SYT7: variants seen among roughly 807,000 people sequenced by gnomAD.
SYT7 encodes synaptotagmin 7, also known as synaptotagmin-7.
A neutral mutation model predicts 75.1 loss-of-function variants in SYT7; 29 were observed. That is an observed-to-expected ratio of 0.39 (90% CI 0.29 to 0.53). The LOEUF is 0.53. Among genes scored for constraint, SYT7 ranks in the 20% least tolerant of loss-of-function variants. The pLI is 0.77. For missense variants in SYT7, 693 were observed against 953.2 expected (o/e 0.73, Z 3.59); for synonymous variants, 376 against 401.7 (o/e 0.94, Z 0.76).
rs539181402 is a variant in SYT7 at position 61,533,651 on chromosome 11, G to A, written c.1065-527C>T. 2.7e-4 allele frequency: 263 copies of A among 985,416 alleles called. 1 individual carries two copies. The African/African-American group carries it at 3.9e-3, about 15-fold the overall frequency. 61.0% of individuals were successfully genotyped at this position (985,416 alleles called of 1,614,324 possible). On this transcript the variant is annotated intron_variant, in intron 7 of 12. Coordinates refer to ENST00000539008, the MANE Select transcript of SYT7 (RefSeq NM_001365809.2). ...AGAGTTCTCTTCCCACCCTCCAGAC[G>A]TGAGACTGACCAGGTGAGGTCAGGA...
At position 61,523,233 on chromosome 11, in the gene SYT7, C is replaced by T. The variant is rs1171594017; in HGVS notation, c.1798G>A (p.Val600Met). 1 of 1,614,174 alleles carries T rather than the reference C, an allele frequency of 6.2e-7. No individual in the cohort carries two copies. Among genetic ancestry groups the T allele is most frequent in the South Asian group, 1.1e-5 (1 of 91,078 alleles). ...ATCGTCACCGTCTTCTTCTTCTCCA[C>T]CCGCTTGTCCTTGTACATCAGCCAT... ...KVWLMYKDKRVEKKKTVTMKR... is the reference protein window; with the variant it reads ...KVWLMYKDKRMEKKKTVTMKR... Residue 600 changes from valine to methionine, a missense_variant, in exon 12 of 13, where the codon GTG becomes ATG. Physicochemically the swap from Val to Met is conservative, Grantham distance 21. This residue lies in a region of SYT7 where 206 missense variants were observed against 360.0 expected (regional missense o/e 0.57). Transcript: ENST00000539008. This position sits in a 1 kb window ranked among gnomAD's most constrained non-coding sequence, Gnocchi z 5.0.
chr11:61,521,354 C>T (rs571878228), intron 12 of SYT7, among the ~76,000 whole-genome samples: 105 of 152,300 alleles, frequency 6.9e-4, no homozygotes, highest in Non-Finnish European at 1.1e-3. Context: ...AAGGAATATC[C>T]GACACCAAGA....
chr11:61,572,246 T>C (rs980123252), intron 1 of SYT7, among the ~76,000 whole-genome samples: 11 of 151,954 alleles, frequency 7.2e-5, no homozygotes, highest in African/African-American at 2.7e-4. Flanking sequence ...ACCTTGCCAG[T>C]AGAGAGAATG....
chr11:61,556,064 G>C, intron 2 of SYT7, 40 bp downstream of exon 2: 8 of 1,560,580 alleles, frequency 5.1e-6, no homozygotes, highest in Non-Finnish European at 6.2e-6. Flanking sequence ...CAGTGTGCAG[G>C]GCTAGGCACC....
intron 6 of SYT7, chr11:61,540,005 G>A (rs962588350): frequency 2.0e-5 from 3 of 152,194 alleles, no homozygotes; most frequent in African/African-American, 7.2e-5. Context: ...TAGTTGTGCT[G>A]GGGGAAGGCA....
At chr11:61,535,231 G>A (rs756837142) in intron 7 of SYT7, among the ~76,000 whole-genome samples, 24 of 152,200 alleles carry the variant, frequency 1.6e-4, no homozygotes, top group Non-Finnish European at 2.8e-4. Flanking sequence ...AGTCAGAGAC[G>A]GGCGAAGGCT....
rs190727364 is a variant in SYT7 at position 61,556,049 on chromosome 11, G to T, written c.135+55C>A. ...GTAATTGTGTGTGTGTGTGGGGAGG[G>T]GGGGCAGTGTGCAGGGCTAGGCACC... On this transcript the variant is annotated intron_variant, in intron 2 of 12. Coordinates refer to ENST00000539008, the MANE Select transcript of SYT7 (RefSeq NM_001365809.2). 3.9e-3 allele frequency: 5,613 copies of T among 1,452,128 alleles called. 111 individuals carry two copies. The highest frequency in any genetic ancestry group is 0.036 in the South Asian group (3,089 of 84,744). The allele number at this position is 1,452,128 out of a possible 1,614,324, so 90.0% of individuals were successfully genotyped here. A position where few individuals can be genotyped will look rare whatever the true frequency, so the allele number is the denominator to read the frequency against.
In SYT7 at chr11:61,580,849, C is replaced by T; in HGVS notation, c.-29G>A. On this transcript the variant is annotated 5_prime_UTR_variant, in exon 1 of 13. Transcript: ENST00000539008. The surrounding 1 kb of genome is among the most constrained non-coding windows in gnomAD (Gnocchi z 6.1). ...CCCCTCGTCGCCGGTTCCCTCCGGG[C>T]TCCTCAGAGCCGCCCGCGGCCGCGC... The T allele has an allele frequency of 2.5e-6, 3 of 1,209,558 alleles. No individual in the cohort carries two copies. The highest frequency in any genetic ancestry group is 3.1e-6 in the Non-Finnish European group (3 of 972,420). 74.9% of individuals were successfully genotyped at this position (1,209,558 alleles called of 1,614,324 possible).
At chr11:61,556,432 G>A (rs148440811) in intron 1 of SYT7, among the ~76,000 whole-genome samples, 2,137 of 152,308 alleles carry the variant, frequency 0.014, 33 homozygotes, top group Middle Eastern at 0.034. Context: ...TGTGCCAGTT[G>A]GCATCTTTCT....
intron 1 of SYT7, among the ~76,000 whole-genome samples, chr11:61,561,526 T>C (rs559414007): frequency 5.3e-5 from 8 of 152,302 alleles, no homozygotes; most frequent in Non-Finnish European, 1.0e-4. Flanking sequence ...GGGTCAGGTC[T>C]GTGTACCCCA....
chr11:61,533,423 T>C (rs181376916), intron 7 of SYT7: 58 of 985,402 alleles, frequency 5.9e-5, no homozygotes, highest in East Asian at 1.1e-4. Context: ...CCTCCAGTCA[T>C]TGGCTTGCAT....
chr11:61,522,669 C>T (rs746490635), intron 12 of SYT7, among the ~76,000 whole-genome samples: 6 of 152,168 alleles, frequency 3.9e-5, no homozygotes, highest in South Asian at 2.1e-4. Flanking sequence ...GGAACTGAAA[C>T]GAGGTCTTTG....
At chr11:61,582,269 C>G (rs1397786354), upstream of SYT7, among the ~76,000 whole-genome samples, 4 of 152,206 alleles carry the variant, frequency 2.6e-5, no homozygotes, top group South Asian at 2.1e-4. Flanking sequence ...CCTGCCCTCC[C>G]CTGTGCTGAG....
chr11:61,549,633 G>A (rs1370150892), intron 3 of SYT7, among the ~76,000 whole-genome samples: 1 of 152,226 alleles, frequency 6.6e-6, no homozygotes, highest in Non-Finnish European at 1.5e-5. Context: ...TCTCTGGAAA[G>A]AAGCAAAGGC....
intron 1 of SYT7, among the ~76,000 whole-genome samples, chr11:61,564,546 G>A (rs1408832827): frequency 2.0e-5 from 3 of 152,218 alleles, no homozygotes; most frequent in African/African-American, 4.8e-5. Flanking sequence ...CCAGGAACAC[G>A]CAGCAGAAGA....
intron 1 of SYT7, among the ~76,000 whole-genome samples, chr11:61,565,887 C>T (rs1043714205): frequency 6.6e-6 from 1 of 152,264 alleles, no homozygotes; most frequent in African/African-American, 2.4e-5. Flanking sequence ...TGTGAGTGAG[C>T]TAGGGAGAGT....
At chr11:61,556,334 G>T in intron 1 of SYT7, 127 bp from the exon 2 acceptor site, 1 of 691,670 alleles carries the variant, frequency 1.4e-6, no homozygotes, top group Non-Finnish European at 2.4e-6. Context: ...CTGAACCCAG[G>T]TTCTACTCCC....
chr11:61,550,141 A>G (rs1411937719), intron 3 of SYT7, among the ~76,000 whole-genome samples: 1 of 151,576 alleles, frequency 6.6e-6, no homozygotes, highest in Non-Finnish European at 1.5e-5. Context: ...ACCTAGCTTC[A>G]AAGTCTCCCA....
intron 1 of SYT7, among the ~76,000 whole-genome samples, chr11:61,562,378 T>G (rs2063660866): frequency 6.6e-6 from 1 of 152,220 alleles, no homozygotes. Context: ...TTTCCCCATC[T>G]GTAAATGAGG....
Sources: allele counts gnomAD v4.1 joint callset (sites outside exome capture counted in the v4.1 genomes callset), GRCh38; gene constraint gnomAD v4.1.1; regional missense constraint gnomAD v4.1.1; non-coding constraint Gnocchi (gnomAD v3.1); transcripts MANE v1.5; gene names NCBI Gene and HGNC (gene_info 2026-07-23, HGNC 2026-07-21).